Variants in ARHGAP24 observed in about 807,000 individuals in gnomAD.
The protein encoded by ARHGAP24 is rho GTPase-activating protein 24.
Under a neutral mutation model 76.4 loss-of-function variants are expected in ARHGAP24, and 50 were observed. The observed-to-expected ratio is 0.65, with a 90% CI of 0.52 to 0.83. ARHGAP24 has a LOEUF of 0.83. ARHGAP24 is among the 40% of genes least tolerant of loss of function. The pLI is 0.00. For missense variants in ARHGAP24, 930 were observed against 914.2 expected (o/e 1.02, Z -0.22); for synonymous variants, 345 against 323.3 (o/e 1.07, Z -0.72).
chr4:85,865,869 C>G (rs1578318295), intron 3 of ARHGAP24, among the ~76,000 whole-genome samples: 1 of 151,552 alleles, frequency 6.6e-6, no homozygotes, highest in African/African-American at 2.4e-5. Flanking sequence ...CAACGTATTC[C>G]CTGTATATAG....
intron 3 of ARHGAP24, among the ~76,000 whole-genome samples, chr4:85,889,428 G>A (rs1733757294): frequency 6.6e-6 from 1 of 152,136 alleles, no homozygotes; most frequent in Non-Finnish European, 1.5e-5. Flanking sequence ...ACATATTTAG[G>A]GAGAAGTCTC....
At chr4:85,984,684 G>A (rs1739877603) in intron 8 of ARHGAP24, among the ~76,000 whole-genome samples, 1 of 152,122 alleles carries the variant, frequency 6.6e-6, no homozygotes, top group Admixed American at 6.5e-5. Context: ...AGGGAAGATT[G>A]GTGAAAGAAT....
intron 2 of ARHGAP24, among the ~76,000 whole-genome samples, chr4:85,586,143 G>C (rs1302325751): frequency 6.6e-6 from 1 of 151,824 alleles, no homozygotes; most frequent in Non-Finnish European, 1.5e-5. Flanking sequence ...TCTCTTTCTT[G>C]TTCTTGCTCA....
At chr4:85,914,907 C>A (rs1228381855) in intron 3 of ARHGAP24, among the ~76,000 whole-genome samples, 2 of 152,150 alleles carry the variant, frequency 1.3e-5, no homozygotes, top group African/African-American at 4.8e-5. Context: ...AACATAAATA[C>A]CATCTCTCAT....
chr4:85,856,301 G>A (rs1380130957), intron 3 of ARHGAP24, among the ~76,000 whole-genome samples: 1 of 151,206 alleles, frequency 6.6e-6, no homozygotes, highest in Admixed American at 6.6e-5. Context: ...TCTCATTTTG[G>A]TAAAAAAAAA....
chr4:85,661,679 C>T (rs181485196), intron 2 of ARHGAP24, among the ~76,000 whole-genome samples: 259 of 152,058 alleles, frequency 1.7e-3, no homozygotes, highest in African/African-American at 6.0e-3. Context: ...TCCCCCACCC[C>T]ACAACAGTCC....
intron 3 of ARHGAP24, among the ~76,000 whole-genome samples, chr4:85,825,583 T>C (rs944371109): frequency 7.2e-5 from 11 of 152,350 alleles, no homozygotes; most frequent in Middle Eastern, 3.4e-3. Flanking sequence ...AATAGTCTAC[T>C]ATACAGAAAG....
rs1428806798 is a variant in ARHGAP24, at chr4:85,886,051, C to G, written c.269-37597C>G. The stretch of plus-strand genomic sequence containing the variant: ...AATGCCATAAAGAATTTTGAAACAT[C>G]TCATGAAATTTCAAAATACCTTGAA... On this transcript the variant is annotated intron_variant, in intron 3 of 9. Coordinates refer to ENST00000395184, the MANE Select transcript of ARHGAP24 (RefSeq NM_001025616.3). Among the ~76,000 whole-genome samples, 5 of 152,188 alleles carry G rather than the reference C, an allele frequency of 3.3e-5. No individual in the cohort carries two copies. In the East Asian group the frequency reaches 9.6e-4, roughly 29 times the overall value.
chr4:85,845,738 T>C (rs965047328), intron 3 of ARHGAP24, among the ~76,000 whole-genome samples: 1 of 152,190 alleles, frequency 6.6e-6, no homozygotes, highest in Non-Finnish European at 1.5e-5. Context: ...CCTATGTTAA[T>C]AGAGTTAAAA....
At chr4:86,000,417 A>G in intron 9 of ARHGAP24, 62 bp from the exon 10 acceptor site, 1 of 1,122,702 alleles carries the variant, frequency 8.9e-7, no homozygotes, top group Non-Finnish European at 1.3e-6. Context: ...TCAAGTGAAT[A>G]AAATCACTTT....
chr4:85,729,694 CA>C lies in ARHGAP24; in HGVS notation c.268+7723del, dbSNP rs1280825397. On this transcript the variant is annotated intron_variant, in intron 3 of 9. Coordinates refer to ENST00000395184, the MANE Select transcript of ARHGAP24 (RefSeq NM_001025616.3). ...TTTTGTGACCATAAGGTTTCCACTA[CA>C]GTTGTTCAACTCTGCCATGGTAGCG... is the stretch of plus-strand genomic sequence containing the variant. 2.0e-5 allele frequency among the ~76,000 whole-genome samples: 3 copies of C among 152,198 alleles called. No homozygotes were observed. In the East Asian group the frequency reaches 5.8e-4, roughly 29 times the overall value.
intron 1 of ARHGAP24, among the ~76,000 whole-genome samples, chr4:85,515,383 T>TTTG (rs397705413): frequency 1.3e-5 from 2 of 150,938 alleles, no homozygotes; most frequent in Non-Finnish European, 3.0e-5. Context: ...TTTTTTTTTT[T>TTTG]GGCATGGGGG....
intron 3 of ARHGAP24, among the ~76,000 whole-genome samples, chr4:85,870,701 T>C (rs1444167268): frequency 6.6e-6 from 1 of 152,126 alleles, no homozygotes; most frequent in African/African-American, 2.4e-5. Context: ...AGTATATATA[T>C]AAAACCCACT....
At chr4:85,514,884 A>G (rs1339277285) in intron 1 of ARHGAP24, among the ~76,000 whole-genome samples, 1 of 149,372 alleles carries the variant, frequency 6.7e-6, no homozygotes, top group East Asian at 2.0e-4. Context: ...CCAAGAGCAG[A>G]CCCTGAGACA....
intron 3 of ARHGAP24, among the ~76,000 whole-genome samples, chr4:85,871,133 A>T (rs1732502954): frequency 6.6e-6 from 1 of 152,150 alleles, no homozygotes; most frequent in African/African-American, 2.4e-5. Flanking sequence ...ATTCTATTAT[A>T]CAGTCTTAGG....
At chr4:85,524,419 A>T (rs1290841390) in intron 1 of ARHGAP24, among the ~76,000 whole-genome samples, 1 of 152,168 alleles carries the variant, frequency 6.6e-6, no homozygotes, top group Non-Finnish European at 1.5e-5. Context: ...AATTTACTGA[A>T]ATAAAGTTTA....
intron 2 of ARHGAP24, among the ~76,000 whole-genome samples, chr4:85,665,692 T>C (rs1393152881): frequency 6.6e-6 from 1 of 152,240 alleles, no homozygotes; most frequent in Admixed American, 6.5e-5. Flanking sequence ...CTTCAGGAGC[T>C]CTTTTAGGGC....
chr4:85,716,512 AG>A (rs1186521162), intron 2 of ARHGAP24, among the ~76,000 whole-genome samples: 4 of 152,118 alleles, frequency 2.6e-5, no homozygotes, highest in African/African-American at 7.2e-5. Context: ...CTTATCAAAA[AG>A]GTTCCATTTC....
chr4:85,620,125 C>G (rs57572817), intron 2 of ARHGAP24, among the ~76,000 whole-genome samples: 1 of 151,510 alleles, frequency 6.6e-6, no homozygotes, highest in Admixed American at 6.6e-5. Flanking sequence ...TTATTCTTTA[C>G]GTGTATCCTT....
Sources: gnomAD v4.1 joint callset for allele counts (sites outside exome capture counted in the v4.1 genomes callset) on GRCh38, gnomAD v4.1.1 for gene constraint, MANE v1.5 for transcripts, NCBI Gene and HGNC (gene_info 2026-07-23, HGNC 2026-07-21) for gene names.